Variants in CRY1 observed in about 807,000 individuals in gnomAD.
CRY1 encodes cryptochrome-1.
Under a neutral mutation model 76.0 loss-of-function variants are expected in CRY1, and 45 were observed. That is an observed-to-expected ratio of 0.59 (90% CI 0.47 to 0.76). The LOEUF is 0.76. Ranked by LOEUF, CRY1 falls within the 30% of genes least tolerant of loss-of-function variation. CRY1 has a pLI of 0.00. For missense variants in CRY1, 587 were observed against 716.4 expected, an observed-to-expected ratio of 0.82 and a Z score of 2.06; for synonymous variants, 248 against 244.0, an observed-to-expected ratio of 1.02 and a Z score of -0.15.
intron 2 of CRY1, among the ~76,000 whole-genome samples, chr12:107,018,136 A>C (rs1050540461): frequency 1.3e-5 from 2 of 152,252 alleles, no homozygotes; most frequent in Non-Finnish European, 2.9e-5. Context: ...TAACAAAGCA[A>C]GATCCAAAGT....
chr12:106,998,912 G>A (rs1566240738), intron 7 of CRY1, among the ~76,000 whole-genome samples: 1 of 151,748 alleles, frequency 6.6e-6, no homozygotes, highest in East Asian at 1.9e-4. Flanking sequence ...CACAGTGGTG[G>A]GCACCTGTAA....
At chr12:106,999,461 G>A in intron 7 of CRY1, 90 bp downstream of exon 7, 1 of 1,227,908 alleles carries the variant, frequency 8.1e-7, no homozygotes, top group Non-Finnish European at 1.1e-6. Flanking sequence ...CACCATAAAT[G>A]AATCTATAAA....
At chr12:107,054,254 A>C (rs1290245864) in intron 1 of CRY1, among the ~76,000 whole-genome samples, 1 of 152,142 alleles carries the variant, frequency 6.6e-6, no homozygotes, top group Non-Finnish European at 1.5e-5. Flanking sequence ...GCCTTGAATT[A>C]TCTAATAAAT....
In CRY1 at chr12:106,997,392, G is replaced by A. The variant is rs1478260101; in HGVS notation, c.1493-6C>T. The A allele has an allele frequency of 1.2e-6, 2 of 1,612,710 alleles. No individual in the cohort carries two copies. The highest frequency in any genetic ancestry group is 2.2e-5 in the South Asian group (2 of 90,786). On this transcript the variant is annotated splice_region_variant and splice_polypyrimidine_tract_variant and intron_variant, in intron 9 of 12. Transcript: ENST00000008527. ...AGGTACTGATGCCAGAAGACCTAAA[G>A]GACAAAAAAATTTTCTTTTAAATTA...
rs750949855 is a variant in CRY1 at position 106,997,662 on chromosome 12, G to A, written c.1318C>T (p.Pro440Ser). 12 of 1,613,802 alleles carry A rather than the reference G, an allele frequency of 7.4e-6. No individual in the cohort carries two copies. In the Admixed American group the frequency reaches 2.0e-4, roughly 27 times the overall value. ...RRYLPVLRGF[P>S]AKYIYDPWNA... is the part of the protein sequence containing the mutation. ...CAGGGATCATAGATATATTTTGCAG[G>A]GAAGCCTCTTAGGACAGGCAAATAA... The change falls in exon 9 of 13, where the codon CCT becomes TCT. Residue 440 changes from proline (P) to serine (S), a missense_variant. Pro to Ser is a moderately conservative substitution (Grantham distance 74). Coordinates refer to ENST00000008527, the MANE Select transcript of CRY1 (RefSeq NM_004075.5).
intron 10 of CRY1, 126 bp downstream of exon 10, chr12:106,997,168 A>C: frequency 1.2e-6 from 1 of 855,014 alleles, no homozygotes; most frequent in Non-Finnish European, 1.9e-6. Context: ...GCATGCATAC[A>C]AAGAATCTAT....
chr12:107,003,516 T>C (rs563981480), intron 3 of CRY1, among the ~76,000 whole-genome samples: 183 of 152,292 alleles, frequency 1.2e-3, no homozygotes, highest in Admixed American at 2.1e-3. Flanking sequence ...CATTATACAA[T>C]ACGTAGTGAT....
chr12:107,001,210 G>C (rs1952305462), intron 5 of CRY1, 70 bp downstream of exon 5: 1 of 1,143,674 alleles, frequency 8.7e-7, no homozygotes, highest in Non-Finnish European at 1.3e-6. Context: ...ATTTTTAAAA[G>C]AGAGAAAAAT....
intron 1 of CRY1, among the ~76,000 whole-genome samples, chr12:107,057,712 CAG>C (rs1248313374): frequency 1.3e-5 from 2 of 151,856 alleles, no homozygotes; most frequent in Non-Finnish European, 2.9e-5. Context: ...GCCTGGGTGA[CAG>C]AGCAAGACCC....
rs376231462 is a variant in CRY1, at chr12:106,997,323, T to C, written c.1556A>G (p.Glu519Gly). 6.2e-7 allele frequency: 1 copy of C among 1,614,068 alleles called. No individual in the cohort carries two copies. The highest frequency in any genetic ancestry group is 1.1e-5 in the South Asian group (1 of 91,064). ...ACTGCTGCTACAACCTGGGATATTT[T>C]CTGCAGAATATCCCATGAAGCCTCC... ...GNGGFMGYSA[E>G]NIPGCSSSGS... Residue 519 changes from glutamate (E) to glycine (G), a missense_variant, in exon 10 of 13, where the codon GAA becomes GGA. Coordinates refer to ENST00000008527, the MANE Select transcript of CRY1 (RefSeq NM_004075.5).
intron 1 of CRY1, among the ~76,000 whole-genome samples, chr12:107,050,617 A>G (rs1359123418): frequency 6.6e-6 from 1 of 152,236 alleles, no homozygotes; most frequent in Non-Finnish European, 1.5e-5. Flanking sequence ...AGCAGCTTCC[A>G]GTATAGCCTA....
At chr12:107,045,815 G>A (rs1393653741) in intron 1 of CRY1, among the ~76,000 whole-genome samples, 4 of 152,032 alleles carry the variant, frequency 2.6e-5, no homozygotes, top group Non-Finnish European at 4.4e-5. Flanking sequence ...GTTGTGGGGT[G>A]CGGGGAGCGG....
In CRY1 at chr12:107,073,728, G is replaced by A. The variant is rs549169699; in HGVS notation, c.158+19076C>T. 7.4e-4 allele frequency among the ~76,000 whole-genome samples: 113 copies of A among 152,048 alleles called. 4 individuals carry two copies. The South Asian group carries it at 0.022, about 30-fold the overall frequency. On this transcript the variant is annotated intron_variant, in intron 1 of 12. Transcript: ENST00000008527. ...TGGGCGACCAATTGAGACAGAGTCC[G>A]TTTCAAAAAAATAGAAAAGACTGCC... is the stretch of plus-strand genomic sequence containing the variant.
intron 1 of CRY1, among the ~76,000 whole-genome samples, chr12:107,055,373 C>A (rs1297253609): frequency 1.3e-5 from 2 of 151,466 alleles, no homozygotes; most frequent in Non-Finnish European, 2.9e-5. Flanking sequence ...AATGAAAATA[C>A]CACATTAAAG....
intron 1 of CRY1, among the ~76,000 whole-genome samples, chr12:107,047,519 G>C (rs1012130991): frequency 6.6e-6 from 1 of 152,106 alleles, no homozygotes; most frequent in Non-Finnish European, 1.5e-5. Flanking sequence ...TTGAATCATG[G>C]AGGCAGTTCC....
chr12:107,061,459 A>C (rs1452705735), intron 1 of CRY1, among the ~76,000 whole-genome samples: 1 of 151,866 alleles, frequency 6.6e-6, no homozygotes, highest in Non-Finnish European at 1.5e-5. Context: ...AGCTCACTGC[A>C]ACCTCTGCCT....
chr12:107,027,169 G>C (rs1476107126), intron 1 of CRY1, among the ~76,000 whole-genome samples: 1 of 152,072 alleles, frequency 6.6e-6, no homozygotes, highest in Admixed American at 6.5e-5. Context: ...CCTTAACTGG[G>C]AAAGGATTAG....
chr12:107,054,619 C>T (rs1952962472), intron 1 of CRY1, among the ~76,000 whole-genome samples: 2 of 129,086 alleles, frequency 1.5e-5, no homozygotes, highest in African/African-American at 5.8e-5. Flanking sequence ...ATGCTATTTA[C>T]AAGAGACATC....
intron 1 of CRY1, among the ~76,000 whole-genome samples, chr12:107,078,408 T>C (rs1364366796): frequency 6.6e-6 from 1 of 152,180 alleles, no homozygotes; most frequent in Non-Finnish European, 1.5e-5. Context: ...AAAATCACTC[T>C]TGCCACATTC....
Sources: allele counts gnomAD v4.1 joint callset (sites outside exome capture counted in the v4.1 genomes callset), GRCh38; gene constraint gnomAD v4.1.1; transcripts MANE v1.5; gene names NCBI Gene and HGNC (gene_info 2026-07-23, HGNC 2026-07-21).